PEX6: variants seen among roughly 807,000 people sequenced by gnomAD.
PEX6 encodes the protein peroxisomal biogenesis factor 6, also known as peroxisome biogenesis factor 6.
PEX6 carries 55 observed loss-of-function variants against 85.6 expected under a neutral mutation model. That is an observed-to-expected ratio of 0.64 (90% CI 0.52 to 0.80). The LOEUF (loss-of-function observed/expected upper bound fraction) is 0.80. PEX6 is among the 30% of genes least tolerant of loss of function. PEX6 has a pLI of 0.00. For synonymous variants in PEX6, 519 were observed against 549.1 expected, an observed-to-expected ratio of 0.95 and a Z score of 0.77; for missense variants, 1,099 against 1,260.3, an observed-to-expected ratio of 0.87 and a Z score of 1.94.
chr6:42,965,874 G>A lies in PEX6; in HGVS notation c.2363-85C>T. Reference sequence around the variant, plus strand: ...GGTGAGAGCAGGGAGGGAAACTGGGGCCTGACAATACAGCACTGGCATCCC... The same window carrying A: ...GGTGAGAGCAGGGAGGGAAACTGGGACCTGACAATACAGCACTGGCATCCC... On this transcript the variant is annotated intron_variant, in intron 12 of 16. Transcript: ENST00000304611. This position sits in a 1 kb window ranked among gnomAD's most constrained non-coding sequence, Gnocchi z 5.0. 7.4e-7 allele frequency: 1 copy of A among 1,347,308 alleles called. No homozygotes were observed. The highest frequency in any genetic ancestry group is 1.2e-5 in the South Asian group (1 of 85,418). 83.5% of individuals were successfully genotyped at this position (1,347,308 alleles called of 1,614,324 possible).
chr6:42,974,506 A>G (rs547788848), intron 2 of PEX6, among the ~76,000 whole-genome samples: 54 of 125,370 alleles, frequency 4.3e-4, no homozygotes, highest in African/African-American at 1.6e-3. Flanking sequence ...CGCCCAGGCT[A>G]GAGTGCAGTG....
chr6:42,977,465 A>C (rs780914587), intron 1 of PEX6, among the ~76,000 whole-genome samples: 32 of 152,004 alleles, frequency 2.1e-4, no homozygotes, highest in Non-Finnish European at 4.3e-4. Flanking sequence ...GCCCCACTAC[A>C]TTATGGAGGC....
Position 42,978,479 on chromosome 6 carries a change from C to T in PEX6, c.672G>A (p.Trp224Ter). 6.2e-7 allele frequency: 1 copy of T among 1,614,182 alleles called. No individual in the cohort carries two copies. Among genetic ancestry groups the T allele is most frequent in the Non-Finnish European group, 8.5e-7 (1 of 1,180,038 alleles). Residue 224 changes from tryptophan to a stop codon, truncating the protein, a stop_gained, in exon 1 of 17, where the codon TGG becomes TGA. Coordinates refer to ENST00000304611, the MANE Select transcript of PEX6 (RefSeq NM_000287.4). LOFTEE classifies it high-confidence loss of function. ...GLGLFQGEWV[W>*]VAQARESSNT... is the part of the protein sequence containing the mutation. Reference sequence around the variant, plus strand: ...TCGATGACTCTCTGGCCTGGGCCACCCACACCCATTCGCCCTGGAAGAGGC... The same window carrying T: ...TCGATGACTCTCTGGCCTGGGCCACTCACACCCATTCGCCCTGGAAGAGGC...
In PEX6 at chr6:42,964,748, A is replaced by C. The variant is rs1289855619; in HGVS notation, c.2806+42T>G. ...GGGACTCAGGTGCACCCAGCTCCCC[A>C]CTAGCTTTTTGGTTGACCTCTCAGA... is the stretch of plus-strand genomic sequence containing the variant. On this transcript the variant is annotated intron_variant, in intron 16 of 16. Transcript: ENST00000304611. This position sits in a 1 kb window ranked among gnomAD's most constrained non-coding sequence, Gnocchi z 4.6. 1 of 1,612,952 alleles carries C rather than the reference A, an allele frequency of 6.2e-7. No individual in the cohort carries two copies. The highest frequency in any genetic ancestry group is 8.5e-7 in the Non-Finnish European group (1 of 1,179,658).
chr6:42,966,078 C>T lies in PEX6; in HGVS notation c.2328G>A (p.Met776Ile). ...LSVKGPELIN[M>I]YVGQSEENVR... The stretch of plus-strand genomic sequence containing the variant: ...CATTCTCCTCACTTTGGCCCACATA[C>T]ATGTTAATGAGCTCTGGCCCCTTCA... The change falls in exon 12 of 17, where the codon ATG (methionine) becomes ATA (isoleucine). Residue 776 changes from methionine to isoleucine, a missense_variant. Physicochemically the swap from Met to Ile is conservative, Grantham distance 10. Transcript: ENST00000304611. The T allele has an allele frequency of 6.2e-7, 1 of 1,614,182 alleles. No homozygotes were observed. Among genetic ancestry groups the T allele is most frequent in the Non-Finnish European group, 8.5e-7 (1 of 1,180,034 alleles).
chr6:42,965,652 T>G lies in PEX6; in HGVS notation c.2471+29A>C. The G allele has an allele frequency of 6.6e-7, 1 of 1,515,110 alleles. No individual in the cohort carries two copies. Among genetic ancestry groups the G allele is most frequent in the Non-Finnish European group, 9.2e-7 (1 of 1,089,826 alleles). 93.9% of individuals were successfully genotyped at this position (1,515,110 alleles called of 1,614,324 possible). A position where few individuals can be genotyped will look rare whatever the true frequency, so the allele number is the denominator to read the frequency against. Reference sequence around the variant, plus strand: ...TCATATCCTTCCCACCCTGGACCCCTCAGCTTTCATTCCCACTCAGACCCC... The same window carrying G: ...TCATATCCTTCCCACCCTGGACCCCGCAGCTTTCATTCCCACTCAGACCCC... On this transcript the variant is annotated intron_variant, in intron 13 of 16. Transcript: ENST00000304611. The surrounding 1 kb of genome is among the most constrained non-coding windows in gnomAD (Gnocchi z 5.0).
chr6:42,974,340 G>T lies in PEX6; in HGVS notation c.1047-254C>A, dbSNP rs3749910. ...TCTTTTGGAGCCCTCTTTAATCACA[G>T]GTGTCTCTGTTTGGAATGTCCAAAT... is the stretch of plus-strand genomic sequence containing the variant. On this transcript the variant is annotated intron_variant, in intron 2 of 16. Coordinates refer to ENST00000304611, the MANE Select transcript of PEX6 (RefSeq NM_000287.4). 5.9e-5 allele frequency among the ~76,000 whole-genome samples: 9 copies of T among 151,928 alleles called. No individual in the cohort carries two copies. In the East Asian group the frequency reaches 1.5e-3, roughly 26 times the overall value.
chr6:42,969,826 C>T (rs781267568), intron 4 of PEX6, 25 bp from the exon 5 acceptor site: 15 of 1,613,938 alleles, frequency 9.3e-6, no homozygotes, highest in Non-Finnish European at 1.1e-5. Flanking sequence ...AAAAAGCTTT[C>T]GTTTCTAAAA....
In PEX6 at chr6:42,966,755, G is replaced by A. The variant is rs763827949; in HGVS notation, c.1961+27C>T. ...CCATCTACATCCATTTCCTCTTTCC[G>A]CCTTTCCGGTGCCCACGTCCTCTTA... On this transcript the variant is annotated intron_variant, in intron 9 of 16. Coordinates refer to ENST00000304611, the MANE Select transcript of PEX6 (RefSeq NM_000287.4). 2.3e-5 allele frequency: 37 copies of A among 1,613,408 alleles called. No individual in the cohort carries two copies. In the Middle Eastern group the frequency reaches 4.9e-4, roughly 22 times the overall value.
chr6:42,968,537 A>C (rs977460465), intron 6 of PEX6, 39 bp from the exon 7 acceptor site: 28 of 1,503,442 alleles, frequency 1.9e-5, no homozygotes, highest in Middle Eastern at 1.7e-4. Context: ...AGCAAGGGGA[A>C]AGCATGACAA....
intron 5 of PEX6, among the ~76,000 whole-genome samples, chr6:42,969,232 G>A (rs1023072163): frequency 3.9e-5 from 6 of 152,238 alleles, no homozygotes; most frequent in Non-Finnish European, 7.3e-5. Flanking sequence ...GCATTGCTGT[G>A]CTGCCAATAA....
At chr6:42,975,324 A>G (rs908990532) in intron 1 of PEX6, among the ~76,000 whole-genome samples, 9 of 152,230 alleles carry the variant, frequency 5.9e-5, no homozygotes, top group Non-Finnish European at 8.8e-5. Context: ...TGGTAAAGAC[A>G]TTTATTCCCA....
At chr6:42,976,726 G>A (rs1770315297) in intron 1 of PEX6, among the ~76,000 whole-genome samples, 1 of 151,774 alleles carries the variant, frequency 6.6e-6, no homozygotes, top group Non-Finnish European at 1.5e-5. Flanking sequence ...ATGGCGAACT[G>A]GTGAGTCTTT....
At position 42,978,484 on chromosome 6, in the gene PEX6, C is replaced by T; in HGVS notation, c.667G>A (p.Val223Met). 2 of 1,614,198 alleles carry T rather than the reference C, an allele frequency of 1.2e-6. No homozygotes were observed. Among genetic ancestry groups the T allele is most frequent in the Non-Finnish European group, 1.7e-6 (2 of 1,180,036 alleles). Reference protein sequence around the residue: ...RGLGLFQGEWVWVAQARESSN... With the variant: ...RGLGLFQGEWMWVAQARESSN... Reference sequence around the variant, plus strand: ...GACTCTCTGGCCTGGGCCACCCACACCCATTCGCCCTGGAAGAGGCCAAGG... The same window carrying T: ...GACTCTCTGGCCTGGGCCACCCACATCCATTCGCCCTGGAAGAGGCCAAGG... Residue 223 changes from valine (V) to methionine (M), a missense_variant, in exon 1 of 17, where the codon GTG (valine) becomes ATG (methionine). Coordinates refer to ENST00000304611, the MANE Select transcript of PEX6 (RefSeq NM_000287.4).
rs778415507 is a variant in PEX6, at chr6:42,974,860, G to T, written c.1046+15C>A. ...GGGTGAGAAGCTATCCTCCTTAAAA[G>T]GTTAGGTAGCTAACCTGGGTATCTG... On this transcript the variant is annotated intron_variant, in intron 2 of 16. Transcript: ENST00000304611. The T allele has an allele frequency of 9.9e-6, 16 of 1,610,428 alleles. No homozygotes were observed. The highest frequency in any genetic ancestry group is 4.5e-5 in the East Asian group (2 of 44,884).
intron 1 of PEX6, among the ~76,000 whole-genome samples, chr6:42,976,748 C>A (rs1645104390): frequency 6.6e-6 from 1 of 151,930 alleles, no homozygotes; most frequent in Non-Finnish European, 1.5e-5. Flanking sequence ...CTCAGTAACC[C>A]ATGGAAATGG....
chr6:42,978,968 G>C lies in PEX6; in HGVS notation c.183C>G (p.Asp61Glu). Reference sequence around the variant, plus strand: ...CGGGACCCTGCTCTTCGGTGCCCGCGTCCGGCCCCTCCAGGGCTGCCACCA... The same window carrying C: ...CGGGACCCTGCTCTTCGGTGCCCGCCTCCGGCCCCTCCAGGGCTGCCACCA... ...ALLVAALEGP[D>E]AGTEEQGPGP... Residue 61 changes from aspartate to glutamate, a missense_variant, in exon 1 of 17, where the codon GAC (aspartate) becomes GAG (glutamate). By Grantham distance (45) the Asp-to-Glu change is conservative. Around this residue, in one of 3 missense-constraint regions of PEX6, gnomAD observed 579 missense variants for 611.6 expected, o/e 0.95. Transcript: ENST00000304611. 1 of 1,500,508 alleles carries C rather than the reference G, an allele frequency of 6.7e-7. No individual in the cohort carries two copies. The highest frequency in any genetic ancestry group is 8.8e-7 in the Non-Finnish European group (1 of 1,133,226). 92.9% of individuals were successfully genotyped at this position (1,500,508 alleles called of 1,614,324 possible). A position where few individuals can be genotyped will look rare whatever the true frequency, so the allele number is the denominator to read the frequency against.
chr6:42,974,202 G>T, intron 2 of PEX6, 116 bp from the exon 3 acceptor site: 1 of 774,156 alleles, frequency 1.3e-6, no homozygotes, highest in Non-Finnish European at 2.3e-6. Flanking sequence ...CCCGCCCAGA[G>T]ATCCCACGCA....
Position 42,965,793 on chromosome 6 carries a change from AAG to A in PEX6, c.2363-6_2363-5del, listed in dbSNP as rs1202865695. The A allele has an allele frequency of 6.2e-7, 1 of 1,611,642 alleles. No individual in the cohort carries two copies. On this transcript the variant is annotated splice_polypyrimidine_tract_variant and splice_region_variant and intron_variant, in intron 12 of 16. Transcript: ENST00000304611. The surrounding 1 kb of genome is among the most constrained non-coding windows in gnomAD (Gnocchi z 5.0). ...GCAGCCCTGGCCCTGGCAAACACTG[AAG>A]AGAGAGAGGGGCCCACAGGAGGGCA... is the stretch of plus-strand genomic sequence containing the variant.
Sources: allele counts gnomAD v4.1 joint callset (sites outside exome capture counted in the v4.1 genomes callset), GRCh38; gene constraint gnomAD v4.1.1; regional missense constraint gnomAD v4.1.1; non-coding constraint Gnocchi (gnomAD v3.1); transcripts MANE v1.5; gene names NCBI Gene and HGNC (gene_info 2026-07-23, HGNC 2026-07-21).